The following PRKG1 variants were observed in gnomAD, a reference collection of about 807,000 sequenced individuals.
PRKG1 encodes protein kinase cGMP-dependent 1.
A neutral mutation model predicts 88.1 loss-of-function variants in PRKG1; 35 were observed. That is an observed-to-expected ratio of 0.40 (90% CI 0.30 to 0.53). The LOEUF (loss-of-function observed/expected upper bound fraction) is 0.53, where lower values mean the gene tolerates loss of function less well. Ranked by LOEUF, PRKG1 falls within the 20% of genes least tolerant of loss-of-function variation. The pLI is 0.59. For synonymous variants in PRKG1, 303 were observed against 292.5 expected (o/e 1.04, Z -0.37); for missense variants, 540 against 839.8 (o/e 0.64, Z 4.41).
At chr10:51,328,180 T>C (rs1294336468) in intron 2 of PRKG1, among the ~76,000 whole-genome samples, 1 of 152,324 alleles carries the variant, frequency 6.6e-6, no homozygotes, top group East Asian at 1.9e-4. Flanking sequence ...CTTTTTACTT[T>C]TGTGAGATAA....
At chr10:51,704,922 A>G (rs1259604135) in intron 3 of PRKG1, among the ~76,000 whole-genome samples, 2 of 152,178 alleles carry the variant, frequency 1.3e-5, no homozygotes, top group Non-Finnish European at 1.5e-5. Flanking sequence ...CCTTTTCTAT[A>G]TATTTTCTAC....
chr10:51,604,516 T>A (rs946494158), intron 3 of PRKG1, among the ~76,000 whole-genome samples: 2 of 152,232 alleles, frequency 1.3e-5, no homozygotes, highest in Admixed American at 1.3e-4. Context: ...AACCACATCA[T>A]GGGCTCTCGC....
intron 3 of PRKG1, among the ~76,000 whole-genome samples, chr10:51,737,745 TTATTATTATTATTA>T (rs1589246283): frequency 1.1e-4 from 13 of 118,642 alleles, no homozygotes; most frequent in East Asian, 4.5e-4. Context: ...TTATTAATTA[TTATTATTATTATTA>T]TTATTATTAT....
intron 3 of PRKG1, among the ~76,000 whole-genome samples, chr10:51,635,542 C>T (rs772106660): frequency 6.6e-6 from 1 of 151,992 alleles, no homozygotes; most frequent in Non-Finnish European, 1.5e-5. Context: ...ATAAAAGGCA[C>T]CTTTTGACCA....
At chr10:52,255,687 A>G (rs1237565899) in intron 10 of PRKG1, among the ~76,000 whole-genome samples, 1 of 152,016 alleles carries the variant, frequency 6.6e-6, no homozygotes, top group East Asian at 1.9e-4. Context: ...TAAACTCATA[A>G]GCAAAGCATG....
intron 1 of PRKG1, among the ~76,000 whole-genome samples, chr10:51,151,923 T>G (rs1294631992): frequency 2.0e-5 from 3 of 152,046 alleles, no homozygotes; most frequent in African/African-American, 7.2e-5. Flanking sequence ...GTCACTCCCC[T>G]GGAAGCCACT....
intron 2 of PRKG1, among the ~76,000 whole-genome samples, chr10:51,202,203 A>G (rs1837930255): frequency 6.6e-6 from 1 of 152,198 alleles, no homozygotes; most frequent in African/African-American, 2.4e-5. Flanking sequence ...CAGCCCAGAG[A>G]TGCATGGGAA....
chr10:51,691,308 C>CT (rs750337206), intron 3 of PRKG1, among the ~76,000 whole-genome samples: 6,159 of 134,890 alleles, frequency 0.046, 423 homozygotes, highest in African/African-American at 0.14. Flanking sequence ...TTCTTTTTAT[C>CT]TTTTTTTTTT....
At chr10:52,291,442 T>A (rs1215097857) in intron 17 of PRKG1, among the ~76,000 whole-genome samples, 1 of 124,600 alleles carries the variant, frequency 8.0e-6, no homozygotes, top group Non-Finnish European at 1.6e-5. Context: ...AGTGTGATGG[T>A]CCCCTTCCTG....
chr10:51,166,515 G>A (rs897206965), intron 2 of PRKG1, among the ~76,000 whole-genome samples: 1 of 152,064 alleles, frequency 6.6e-6, no homozygotes, highest in Non-Finnish European at 1.5e-5. Context: ...TTAAAAATGA[G>A]TCTTTAAAGA....
intron 1 of PRKG1, among the ~76,000 whole-genome samples, chr10:51,059,750 T>C (rs1843673379): frequency 6.6e-6 from 1 of 152,212 alleles, no homozygotes; most frequent in Non-Finnish European, 1.5e-5. Flanking sequence ...TCAATTTTAA[T>C]AAATATCCCT....
chr10:52,192,470 A>T (rs923939589), intron 9 of PRKG1, among the ~76,000 whole-genome samples: 1 of 152,154 alleles, frequency 6.6e-6, no homozygotes, highest in African/African-American at 2.4e-5. Flanking sequence ...ATCTTGCAGT[A>T]TTCCCATTTT....
At chr10:51,296,367 G>A (rs922578987) in intron 2 of PRKG1, among the ~76,000 whole-genome samples, 1 of 152,016 alleles carries the variant, frequency 6.6e-6, no homozygotes, top group Non-Finnish European at 1.5e-5. Context: ...TCCTTGTGCA[G>A]TTTGTCTACA....
rs60689292 is a variant in PRKG1, at chr10:51,156,314, A to ACACACACAC, written c.478+2984_478+2985insCACACACAC. 5.2e-4 allele frequency among the ~76,000 whole-genome samples: 76 copies of ACACACACAC among 147,134 alleles called. 1 individual carries two copies. Among genetic ancestry groups the ACACACACAC allele is most frequent in the African/African-American group, 1.6e-3 (63 of 39,512 alleles). ...TGATGCAAGCACACACACACACACAAACACACACACCCGAATGTAACAAAA... is the reference window on the plus strand; with the variant it reads ...TGATGCAAGCACACACACACACACAACACACACACACACACACACCCGAATGTAACAAAA... On this transcript the variant is annotated intron_variant, in intron 2 of 17. Transcript: ENST00000373980.
chr10:51,375,056 A>T (rs1467303823), intron 2 of PRKG1, among the ~76,000 whole-genome samples: 2 of 152,224 alleles, frequency 1.3e-5, no homozygotes, highest in African/African-American at 4.8e-5. Context: ...TTGATGTAAC[A>T]TTCCATTACC....
chr10:51,776,989 C>G (rs1350526852), intron 3 of PRKG1, among the ~76,000 whole-genome samples: 1 of 152,058 alleles, frequency 6.6e-6, no homozygotes, highest in Non-Finnish European at 1.5e-5. Flanking sequence ...AGATTGTAAT[C>G]GTTTTAAAAA....
At position 51,412,814 on chromosome 10, in the gene PRKG1, G is replaced by A. The variant is rs76715054; in HGVS notation, c.479-54909G>A. Among the ~76,000 whole-genome samples, 1,054 of 152,268 alleles carry A rather than the reference G, an allele frequency of 6.9e-3. 8 individuals are homozygous for A. Among genetic ancestry groups the A allele is most frequent in the African/African-American group, 0.023 (962 of 41,550 alleles). ...GTCCCAGTTCCCCTGTGCTGATTCAGTGGTGCATACAGACCATCCTGTCCA... is the reference window on the plus strand; with the variant it reads ...GTCCCAGTTCCCCTGTGCTGATTCAATGGTGCATACAGACCATCCTGTCCA... On this transcript the variant is annotated intron_variant, in intron 2 of 17. Transcript: ENST00000373980.
At chr10:51,357,809 G>A (rs994043173) in intron 2 of PRKG1, among the ~76,000 whole-genome samples, 15 of 151,756 alleles carry the variant, frequency 9.9e-5, no homozygotes, top group African/African-American at 3.4e-4. Context: ...TTACCTAAAT[G>A]ACTATAAAAT....
At chr10:51,068,334 CT>C (rs1300389863) in intron 1 of PRKG1, among the ~76,000 whole-genome samples, 1 of 151,924 alleles carries the variant, frequency 6.6e-6, no homozygotes, top group Non-Finnish European at 1.5e-5. Flanking sequence ...GCAAAGCCCC[CT>C]CTCCCTTGAA....
Sources: allele counts gnomAD v4.1 joint callset (sites outside exome capture counted in the v4.1 genomes callset), GRCh38; gene constraint gnomAD v4.1.1; transcripts MANE v1.5; gene names NCBI Gene and HGNC (gene_info 2026-07-23, HGNC 2026-07-21).